Variants in SYT7 observed in about 807,000 individuals in gnomAD.
SYT7 encodes the protein synaptotagmin 7.
A neutral mutation model predicts 75.1 loss-of-function variants in SYT7; 29 were observed. The ratio of observed to expected loss-of-function variants is 0.39; its 90% CI spans 0.29 to 0.53. SYT7 has a LOEUF of 0.53. SYT7 is among the 20% of genes least tolerant of loss of function. SYT7 has a pLI of 0.77. For synonymous variants in SYT7, 376 were observed against 401.7 expected, an observed-to-expected ratio of 0.94 and a Z score of 0.76; for missense variants, 693 against 953.2, an observed-to-expected ratio of 0.73 and a Z score of 3.59.
chr11:61,570,886 AC>A (rs2063902620), intron 1 of SYT7, among the ~76,000 whole-genome samples: 1 of 152,230 alleles, frequency 6.6e-6, no homozygotes, highest in East Asian at 1.9e-4. Flanking sequence ...AAAGGGTAGG[AC>A]CAGATAAGAA....
intron 1 of SYT7, among the ~76,000 whole-genome samples, chr11:61,561,712 T>C (rs1055515918): frequency 1.3e-5 from 2 of 152,146 alleles, no homozygotes; most frequent in African/African-American, 4.8e-5. Context: ...ATCCCAGGCC[T>C]CCAGGAACAA....
In SYT7 at chr11:61,574,726, G is replaced by A. The variant is rs553229734; in HGVS notation, c.31+6064C>T. Among the ~76,000 whole-genome samples the A allele has an allele frequency of 1.2e-3, 178 of 152,024 alleles. 1 individual carries two copies. Among genetic ancestry groups the A allele is most frequent in the African/African-American group, 3.9e-3 (162 of 41,510 alleles). On this transcript the variant is annotated intron_variant, in intron 1 of 12. Transcript: ENST00000539008. ...GCTGGAGCAAGCAAATGCTTGAGGG[G>A]GCCCTCCCGGGCCCAGGCCTGGCAG...
At position 61,551,506 on chromosome 11, in the gene SYT7, T is replaced by G; in HGVS notation, c.136-43A>C. 6.3e-7 allele frequency: 1 copy of G among 1,575,340 alleles called. No individual in the cohort carries two copies. The highest frequency in any genetic ancestry group is 8.7e-7 in the Non-Finnish European group (1 of 1,147,410). ...GGATCACTCCTGGGGAACAGGACTGTACCCTCCCTACCTCCCCAGAACAGG... is the reference window on the plus strand; with the variant it reads ...GGATCACTCCTGGGGAACAGGACTGGACCCTCCCTACCTCCCCAGAACAGG... On this transcript the variant is annotated intron_variant, in intron 2 of 12. Coordinates refer to ENST00000539008, the MANE Select transcript of SYT7 (RefSeq NM_001365809.2). The surrounding 1 kb of genome is among the most constrained non-coding windows in gnomAD (Gnocchi z 5.3).
chr11:61,574,005 CACA>C (rs1490360041), intron 1 of SYT7, among the ~76,000 whole-genome samples: 1 of 152,234 alleles, frequency 6.6e-6, no homozygotes, highest in Non-Finnish European at 1.5e-5. Context: ...ATAGTGAGCA[CACA>C]ACATGTCTCT....
intron 8 of SYT7, among the ~76,000 whole-genome samples, chr11:61,531,709 C>T (rs1004088115): frequency 6.6e-6 from 1 of 151,980 alleles, no homozygotes; most frequent in Non-Finnish European, 1.5e-5. Context: ...GCCTGGCCAA[C>T]ATGGTGAAAC....
In SYT7 at chr11:61,528,915, C is replaced by T. The variant is rs2062615369; in HGVS notation, c.1201-730G>A. ...GGCTGAGGACTGCTGGGAGGGAGGG[C>T]GCATGGCCTGACCCAGCAACAGACA... On this transcript the variant is annotated intron_variant, in intron 8 of 12. Transcript: ENST00000539008. Among the ~76,000 whole-genome samples the T allele has an allele frequency of 2.6e-5, 4 of 152,078 alleles. No individual in the cohort carries two copies. The South Asian group carries it at 8.3e-4, about 32-fold the overall frequency.
chr11:61,545,957 G>A (rs1211294947), intron 5 of SYT7, 74 bp downstream of exon 5: 3 of 1,383,444 alleles, frequency 2.2e-6, no homozygotes. Context: ...GGGCATGCCA[G>A]GGGTCCCGCT....
chr11:61,546,082 C>T lies in SYT7; in HGVS notation c.521G>A (p.Arg174His), dbSNP rs913777391. ...PGSGGKAGRGRWRTVQSHLAA... is the reference protein window; with the variant it reads ...PGSGGKAGRGHWRTVQSHLAA... Reference sequence around the variant, plus strand: ...CAGGTGGCTCTGCACCGTCCGCCAGCGGCCTCTCCCCGCCTTGCCACCGCT... The same window carrying T: ...CAGGTGGCTCTGCACCGTCCGCCAGTGGCCTCTCCCCGCCTTGCCACCGCT... Residue 174 changes from arginine to histidine, a missense_variant, in exon 5 of 13, where the codon CGC (arginine) becomes CAC (histidine). Around this residue, in one of 2 missense-constraint regions of SYT7, gnomAD observed 487 missense variants for 593.2 expected, o/e 0.82. Transcript: ENST00000539008. The surrounding 1 kb of genome is among the most constrained non-coding windows in gnomAD (Gnocchi z 7.6). The T allele has an allele frequency of 2.2e-5, 33 of 1,532,108 alleles. No individual in the cohort carries two copies. The highest frequency in any genetic ancestry group is 2.4e-5 in the Non-Finnish European group (27 of 1,145,194). The allele number at this position is 1,532,108 out of a possible 1,614,324, so 94.9% of individuals were successfully genotyped here.
At position 61,524,593 on chromosome 11, in the gene SYT7, G is replaced by A; in HGVS notation, c.1472-61C>T. On this transcript the variant is annotated intron_variant, in intron 9 of 12. Transcript: ENST00000539008. The surrounding 1 kb of genome is among the most constrained non-coding windows in gnomAD (Gnocchi z 4.1). ...CAGAGGGGCTGCACGGGGCCCGGGA[G>A]GCAAGGAAGGCCCTGGGAAGAGGAG... The A allele has an allele frequency of 6.7e-7, 1 of 1,498,432 alleles. No homozygotes were observed. Among genetic ancestry groups the A allele is most frequent in the Non-Finnish European group, 9.0e-7 (1 of 1,116,500 alleles). 92.8% of individuals were successfully genotyped at this position (1,498,432 alleles called of 1,614,324 possible).
At chr11:61,534,188 G>T (rs531908496) in intron 7 of SYT7, among the ~76,000 whole-genome samples, 1 of 152,320 alleles carries the variant, frequency 6.6e-6, no homozygotes, top group African/African-American at 2.4e-5. Flanking sequence ...AAATAGAACA[G>T]CTTTGAGAGC....
In SYT7 at chr11:61,551,412, G is replaced by A. The variant is rs776184201; in HGVS notation, c.187C>T (p.Arg63Cys). 1.1e-5 allele frequency: 18 copies of A among 1,613,688 alleles called. No homozygotes were observed. The highest frequency in any genetic ancestry group is 4.5e-5 in the East Asian group (2 of 44,874). ...ATAGCCTTCTTCTCACTGCGCCCAC[G>A]CCCTGAGTCTGGCGTGCCCACCGTC... ...LETVGTPDSGRGRSEKKAIND... is the reference protein window; with the variant it reads ...LETVGTPDSGCGRSEKKAIND... Residue 63 changes from arginine to cysteine, a missense_variant, in exon 3 of 13, where the codon CGT becomes TGT. Coordinates refer to ENST00000539008, the MANE Select transcript of SYT7 (RefSeq NM_001365809.2). The surrounding 1 kb of genome is among the most constrained non-coding windows in gnomAD (Gnocchi z 5.3).
rs1181582871 is a variant in SYT7 at position 61,576,081 on chromosome 11, C to A, written c.31+4709G>T. On this transcript the variant is annotated intron_variant, in intron 1 of 12. Transcript: ENST00000539008. The surrounding 1 kb of genome is among the most constrained non-coding windows in gnomAD (Gnocchi z 4.1). ...CTGCCCGCCTTCCAACCAACTGGACCTGGAATTCCAGGCCAAAGCTCTGGG... is the reference window on the plus strand; with the variant it reads ...CTGCCCGCCTTCCAACCAACTGGACATGGAATTCCAGGCCAAAGCTCTGGG... Among the ~76,000 whole-genome samples the A allele has an allele frequency of 1.3e-5, 2 of 152,240 alleles. No homozygotes were observed. The highest frequency in any genetic ancestry group is 4.8e-5 in the African/African-American group (2 of 41,452).
At chr11:61,572,117 G>GT (rs1491334643) in intron 1 of SYT7, among the ~76,000 whole-genome samples, 1 of 125,660 alleles carries the variant, frequency 8.0e-6, no homozygotes, top group African/African-American at 3.8e-5. Context: ...GAATGAGGTT[G>GT]GGGGGGGGGC....
At chr11:61,582,825 G>A (rs1216113668), upstream of SYT7, among the ~76,000 whole-genome samples, 5 of 152,102 alleles carry the variant, frequency 3.3e-5, no homozygotes, top group Non-Finnish European at 7.4e-5. Context: ...ACTCTGCTTT[G>A]GGACCTGGCA....
Position 61,516,404 on chromosome 11 carries a change from A to G in SYT7, c.*2223T>C, listed in dbSNP as rs1185354013. The G allele has an allele frequency of 6.6e-6, 1 of 152,086 alleles. No homozygotes were observed. The highest frequency in any genetic ancestry group is 1.5e-5 in the Non-Finnish European group (1 of 68,028). 9.4% of individuals were successfully genotyped at this position (152,086 alleles called of 1,614,324 possible). A position where few individuals can be genotyped will look rare whatever the true frequency, so the allele number is the denominator to read the frequency against. ...AAGAGCTCTGTGGGCGGGGCTCGGG[A>G]AAAATGGGGAGCCGTTGCCCCGCCC... On this transcript the variant is annotated 3_prime_UTR_variant, in exon 13 of 13. Transcript: ENST00000539008. This position sits in a 1 kb window ranked among gnomAD's most constrained non-coding sequence, Gnocchi z 4.6.
At chr11:61,545,981 G>A in intron 5 of SYT7, 50 bp downstream of exon 5, 1 of 1,501,626 alleles carries the variant, frequency 6.7e-7, no homozygotes, top group Non-Finnish European at 8.9e-7. Context: ...CACCCTGGCA[G>A]GGCAGGCCTG....
chr11:61,518,788 C>T (rs1181483201), intron 12 of SYT7, 57 bp from the exon 13 acceptor site: 3 of 1,307,672 alleles, frequency 2.3e-6, no homozygotes, highest in East Asian at 2.8e-5. Context: ...CTGGCCCTTT[C>T]CCCCACAGGG....
intron 8 of SYT7, among the ~76,000 whole-genome samples, chr11:61,529,371 C>T (rs1000741895): frequency 4.6e-5 from 7 of 152,202 alleles, no homozygotes; most frequent in Middle Eastern, 3.2e-3. Context: ...CCATGACCAG[C>T]GACTCTCGCA....
chr11:61,581,607 C>T (rs1458523598), upstream of SYT7, among the ~76,000 whole-genome samples: 1 of 152,238 alleles, frequency 6.6e-6, no homozygotes, highest in Admixed American at 6.5e-5. Flanking sequence ...TTTTTGGCAG[C>T]GCTGAGCCTG....
Sources: gnomAD v4.1 joint callset for allele counts (sites outside exome capture counted in the v4.1 genomes callset) on GRCh38, gnomAD v4.1.1 for gene constraint, gnomAD v4.1.1 regional missense constraint, Gnocchi (gnomAD v3.1) non-coding constraint, MANE v1.5 for transcripts, NCBI Gene and HGNC (gene_info 2026-07-23, HGNC 2026-07-21) for gene names.